MIP: variants seen among roughly 807,000 people sequenced by gnomAD.
MIP encodes the protein lens fiber major intrinsic protein.
A neutral mutation model predicts 21.8 loss-of-function variants in MIP; 14 were observed. The ratio of observed to expected loss-of-function variants is 0.64; its 90% confidence interval spans 0.42 to 1.00. The LOEUF (loss-of-function observed/expected upper bound fraction) is 1.00, where lower values mean the gene tolerates loss of function less well. Ranked by LOEUF, MIP falls within the 50% of genes least tolerant of loss-of-function variation. MIP has a pLI of 0.00. For synonymous variants in MIP, 133 were observed against 141.4 expected (o/e 0.94, Z 0.42); for missense variants, 260 against 333.5 (o/e 0.78, Z 1.72).
chr12:56,451,131 GA>G lies in MIP; in HGVS notation c.*148del, dbSNP rs35639464. 188,224 of 555,284 alleles carry G rather than the reference GA, an allele frequency of 0.34. 7,921 individuals carry two copies. Among genetic ancestry groups the G allele is most frequent in the South Asian group, 0.36 (16,131 of 44,706 alleles). 34.4% of individuals were successfully genotyped at this position (555,284 alleles called of 1,614,324 possible). A position where few individuals can be genotyped will look rare whatever the true frequency, so the allele number is the denominator to read the frequency against. Reference sequence around the variant, plus strand: ...CTTGAAAGATTTCACACAGCAAAAGGAAAAAAAAAAAAAAAACAACCACATA... The same window carrying G: ...CTTGAAAGATTTCACACAGCAAAAGGAAAAAAAAAAAAAAACAACCACATA... On this transcript the variant is annotated 3_prime_UTR_variant, in exon 4 of 4. Transcript: ENST00000652304.
chr12:56,455,015 T>G (rs890184139), upstream of MIP, among the ~76,000 whole-genome samples: 5 of 152,174 alleles, frequency 3.3e-5, no homozygotes, highest in African/African-American at 9.7e-5. Context: ...TCCATCAAGC[T>G]GAGCTCACTT....
At chr12:56,454,819 T>C (rs908077062), upstream of MIP, among the ~76,000 whole-genome samples, 15 of 151,974 alleles carry the variant, frequency 9.9e-5, no homozygotes, top group African/African-American at 3.6e-4. Flanking sequence ...CTTTCTCAAC[T>C]GGGAGATGAG....
At position 56,451,272 on chromosome 12, in the gene MIP, T is replaced by G. The variant is rs763588267; in HGVS notation, c.*8A>C. 1 of 1,612,752 alleles carries G rather than the reference T, an allele frequency of 6.2e-7. No homozygotes were observed. The highest frequency in any genetic ancestry group is 1.1e-5 in the South Asian group (1 of 91,022). ...AAGCTTTCTACTCCCTCTATTCAGC[T>G]GGAGCTTCTACAGGGCCTGGGTGTT... On this transcript the variant is annotated 3_prime_UTR_variant, in exon 4 of 4. Coordinates refer to ENST00000652304, the MANE Select transcript of MIP (RefSeq NM_012064.4).
upstream of MIP, chr12:56,454,760 G>A (rs890225571): frequency 8.9e-6 from 8 of 901,298 alleles, no homozygotes; most frequent in South Asian, 1.7e-5. Context: ...CACAGCTGTG[G>A]AGGGCTAAGT....
rs1592264941 is a variant in MIP, at chr12:56,454,522, G to A, written c.92C>T (p.Ser31Leu). 1 of 1,613,384 alleles carries A rather than the reference G, an allele frequency of 6.2e-7. No homozygotes were observed. The highest frequency in any genetic ancestry group is 1.7e-5 in the Admixed American group (1 of 59,954). The change falls in exon 1 of 4, where the codon TCA becomes TTA. Residue 31 changes from serine to leucine, a missense_variant. Physicochemically the swap from Ser to Leu is moderately radical, Grantham distance 145 (BLOSUM62 -2). Transcript: ENST00000652304. The part of the protein sequence containing the change: ...LFYVFFGLGS[S>L]LRWAPGPLHV... Reference sequence around the variant, plus strand: ...CAGGGGTCCAGGAGCCCAGCGCAGTGAGGACCCCAGCCCAAAGAAGACATA... The same window carrying A: ...CAGGGGTCCAGGAGCCCAGCGCAGTAAGGACCCCAGCCCAAAGAAGACATA...
chr12:56,453,247 C>A, intron 2 of MIP, 95 bp from the exon 3 acceptor site: 1 of 937,232 alleles, frequency 1.1e-6, no homozygotes, highest in Non-Finnish European at 1.7e-6. Context: ...GCCATCTTTT[C>A]TCCAGCCAGC....
chr12:56,451,686 CA>C (rs1287102725), intron 3 of MIP, among the ~76,000 whole-genome samples: 4 of 152,160 alleles, frequency 2.6e-5, no homozygotes, highest in Admixed American at 2.0e-4. Context: ...ATGTTGCTTT[CA>C]AAAAAATTTT....
At chr12:56,453,190 C>A (rs745518169) in intron 2 of MIP, 38 bp from the exon 3 acceptor site, 2 of 1,431,810 alleles carry the variant, frequency 1.4e-6, no homozygotes, top group South Asian at 1.1e-5. Context: ...CACCCCCCTA[C>A]TGCACCCCAG....
chr12:56,450,232 A>G lies in MIP; in HGVS notation c.*1048T>C, dbSNP rs578203828. On this transcript the variant is annotated 3_prime_UTR_variant, in exon 4 of 4. Coordinates refer to ENST00000652304, the MANE Select transcript of MIP (RefSeq NM_012064.4). Reference sequence around the variant, plus strand: ...AAAAAAACACGGAACTAGTGATAAAAGCAGAAAGATGCCATTTGAGGAGTG... The same window carrying G: ...AAAAAAACACGGAACTAGTGATAAAGGCAGAAAGATGCCATTTGAGGAGTG... 9.8e-5 allele frequency: 15 copies of G among 152,332 alleles called. No individual in the cohort carries two copies. The highest frequency in any genetic ancestry group is 3.6e-4 in the African/African-American group (15 of 41,578). 9.4% of individuals were successfully genotyped at this position (152,332 alleles called of 1,614,324 possible).
At chr12:56,452,287 CT>C (rs1266843736) in intron 3 of MIP, among the ~76,000 whole-genome samples, 2 of 152,106 alleles carry the variant, frequency 1.3e-5, no homozygotes, top group Non-Finnish European at 2.9e-5. Context: ...CAGTATTTGT[CT>C]TTTTGTGACT....
In MIP at chr12:56,454,364, G is replaced by T; in HGVS notation, c.250C>A (p.Leu84Ile). ...AFLVGSQMSL[L>I]RAFCYMAAQL... is the part of the protein sequence containing the mutation. ...GCTGCCATATAGCAGAAGGCACGGA[G>T]CAGGGACATCTGGGAGCCCACAAGG... The change falls in exon 1 of 4, where the codon CTC (leucine) becomes ATC (isoleucine). Residue 84 changes from leucine to isoleucine, a missense_variant. Leu to Ile is a conservative substitution (Grantham distance 5). Coordinates refer to ENST00000652304, the MANE Select transcript of MIP (RefSeq NM_012064.4). The T allele has an allele frequency of 6.2e-7, 1 of 1,614,120 alleles. No homozygotes were observed. Among genetic ancestry groups the T allele is most frequent in the South Asian group, 1.1e-5 (1 of 91,088 alleles).
intron 1 of MIP, 33 bp downstream of exon 1, chr12:56,454,221 C>T: frequency 6.2e-7 from 1 of 1,613,828 alleles, no homozygotes; most frequent in Non-Finnish European, 8.5e-7. Flanking sequence ...GACAGGACAC[C>T]AGGTTCCCCA....
chr12:56,454,150 T>C, intron 1 of MIP, 104 bp downstream of exon 1: 1 of 1,490,328 alleles, frequency 6.7e-7, no homozygotes, highest in Non-Finnish European at 9.3e-7. Context: ...ATGCACATAT[T>C]GTCCCAGACC....
rs201317497 is a variant in MIP, at chr12:56,453,639, G to C, written c.477C>G (p.Ser159=). The C allele has an allele frequency of 6.2e-7, 1 of 1,614,240 alleles. No homozygotes were observed. Among genetic ancestry groups the C allele is most frequent in the Admixed American group, 1.7e-5 (1 of 60,024 alleles). ...YDERRNGQLG[S]VALAVGFSLA... ...GGGAGAAGCCAACGGCCAGGGCCAC[G>C]GAGCCCAGTTGGCCATTCCGCCTCT... The change falls in exon 2 of 4, where the codon TCC becomes TCG. Residue 159 remains serine (S), a synonymous_variant. Coordinates refer to ENST00000652304, the MANE Select transcript of MIP (RefSeq NM_012064.4).
rs766714787 is a variant in MIP, at chr12:56,453,094, G to A, written c.584C>T (p.Thr195Ile). The change falls in exon 3 of 4, where the codon ACT becomes ATT. Residue 195 changes from threonine to isoleucine, a missense_variant. By Grantham distance (89) the Thr-to-Ile change is moderately conservative (BLOSUM62 -1). Transcript: ENST00000652304. ...CACCCAGTGGTTAGTGAAGTTCCCA[G>A]TGAGAATGGCAGGAGCAAAGGAGCG... ...PARSFAPAILTGNFTNHWVYW... is the reference protein window; with the variant it reads ...PARSFAPAILIGNFTNHWVYW... 1 of 1,613,026 alleles carries A rather than the reference G, an allele frequency of 6.2e-7. No homozygotes were observed. Among genetic ancestry groups the A allele is most frequent in the East Asian group, 2.2e-5 (1 of 44,886 alleles).
upstream of MIP, among the ~76,000 whole-genome samples, chr12:56,455,133 A>G (rs1868754462): frequency 6.6e-6 from 1 of 152,014 alleles, no homozygotes; most frequent in Non-Finnish European, 1.5e-5. Context: ...GAAGTTGGAT[A>G]ACTAAAGAGA....
intron 3 of MIP, 192 bp downstream of exon 3, chr12:56,452,880 C>G: frequency 1.6e-6 from 1 of 634,334 alleles, no homozygotes; most frequent in South Asian, 1.8e-5. Flanking sequence ...AAAATATGAG[C>G]AAGAGCCTCT....
At chr12:56,455,917 G>A (rs777678607), upstream of MIP, among the ~76,000 whole-genome samples, 8 of 152,158 alleles carry the variant, frequency 5.3e-5, no homozygotes, top group Non-Finnish European at 1.0e-4. Flanking sequence ...CAGATCAGGG[G>A]CTGTGCTTTC....
rs746716383 is a variant in MIP at position 56,451,389 on chromosome 12, T to C, written c.683A>G (p.Lys228Arg). Residue 228 changes from lysine to arginine, a missense_variant, in exon 4 of 4, where the codon AAG (lysine) becomes AGG (arginine). Coordinates refer to ENST00000652304, the MANE Select transcript of MIP (RefSeq NM_012064.4). ...GACAGACAGTCTCTCAGAAATACTC[T>C]TGAGCCGGGGGAAGAGAAGAAAGTC... ...LYDFLLFPRL[K>R]SISERLSVLK... The C allele has an allele frequency of 6.2e-7, 1 of 1,614,040 alleles. No individual in the cohort carries two copies. Among genetic ancestry groups the C allele is most frequent in the Non-Finnish European group, 8.5e-7 (1 of 1,179,974 alleles).
Sources: allele counts gnomAD v4.1 joint callset (sites outside exome capture counted in the v4.1 genomes callset), GRCh38; gene constraint gnomAD v4.1.1; transcripts MANE v1.5; gene names NCBI Gene and HGNC (gene_info 2026-07-23, HGNC 2026-07-21).